Variants in SLC25A42 observed in about 807,000 individuals in gnomAD.
SLC25A42 encodes the protein solute carrier family 25 member 42, also known as mitochondrial coenzyme A transporter SLC25A42.
SLC25A42 carries 19 observed loss-of-function variants against 34.7 expected under a neutral mutation model. The ratio of observed to expected loss-of-function variants is 0.55; its 90% CI spans 0.38 to 0.80. The LOEUF (loss-of-function observed/expected upper bound fraction) is 0.80. SLC25A42 is among the 30% of genes least tolerant of loss of function. SLC25A42 has a pLI of 0.00. For synonymous variants in SLC25A42, 205 were observed against 191.2 expected (o/e 1.07, Z -0.59); for missense variants, 364 against 441.3 (o/e 0.82, Z 1.57).
At chr19:19,110,450 C>A in intron 7 of SLC25A42, 119 bp from the exon 8 acceptor site, 3 of 726,606 alleles carry the variant, frequency 4.1e-6, no homozygotes, top group Non-Finnish European at 6.0e-6. Flanking sequence ...CGTGGGGGTG[C>A]AAGTGCATGT....
chr19:19,104,697 CAGG>C (rs2059816601), intron 3 of SLC25A42, among the ~76,000 whole-genome samples: 1 of 152,168 alleles, frequency 6.6e-6, no homozygotes, highest in Non-Finnish European at 1.5e-5. Context: ...AGTCCAGGGG[CAGG>C]GTGCTGAGTG....
At chr19:19,105,800 C>G (rs2059823734) in intron 5 of SLC25A42, 73 bp downstream of exon 5, 1 of 1,310,822 alleles carries the variant, frequency 7.6e-7, no homozygotes. Flanking sequence ...TCTGCACGCC[C>G]CGCTCCCTCC....
At chr19:19,070,991 C>CTTTTTTTTTTTTTTTTTT (rs35787720) in intron 1 of SLC25A42, among the ~76,000 whole-genome samples, 3 of 117,208 alleles carry the variant, frequency 2.6e-5, no homozygotes, top group African/African-American at 1.0e-4. Flanking sequence ...TGCATACCGT[C>CTTTTTTTTTTTTTTTTTT]TTTTTTTTTT....
intron 1 of SLC25A42, among the ~76,000 whole-genome samples, chr19:19,088,656 AT>A (rs755546650): frequency 0.011 from 1,506 of 140,464 alleles, 24 homozygotes; most frequent in African/African-American, 0.031. Context: ...CACCCGACTA[AT>A]TTTTTTTTTT....
chr19:19,079,760 T>C (rs1328094048), intron 1 of SLC25A42, among the ~76,000 whole-genome samples: 1 of 152,174 alleles, frequency 6.6e-6, no homozygotes, highest in Non-Finnish European at 1.5e-5. Flanking sequence ...TCTATTGTGT[T>C]GGGGTCTCAC....
rs761842913 is a variant in SLC25A42, at chr19:19,109,633, A to G, written c.650-936A>G. Among the ~76,000 whole-genome samples the G allele has an allele frequency of 6.6e-5, 10 of 151,910 alleles. No homozygotes were observed. The highest frequency in any genetic ancestry group is 1.0e-4 in the Non-Finnish European group (7 of 67,972). ...TTTTTGGTAGAGACAGGGTTTCTCC[A>G]TGTTGGCCAGGCTGGTCTCCAATTC... On this transcript the variant is annotated intron_variant, in intron 7 of 7. Transcript: ENST00000318596. The surrounding 1 kb of genome is among the most constrained non-coding windows in gnomAD (Gnocchi z 4.1).
At chr19:19,104,671 G>T (rs2059816429) in intron 3 of SLC25A42, among the ~76,000 whole-genome samples, 1 of 152,160 alleles carries the variant, frequency 6.6e-6, no homozygotes, top group Non-Finnish European at 1.5e-5. Flanking sequence ...GCAGGGGTTT[G>T]GGTGAATGGT....
At chr19:19,103,241 G>A (rs993319038) in intron 3 of SLC25A42, among the ~76,000 whole-genome samples, 3 of 151,786 alleles carry the variant, frequency 2.0e-5, no homozygotes, top group African/African-American at 4.8e-5. Flanking sequence ...CAACAGGCAC[G>A]CACCACCACG....
At chr19:19,070,150 C>T (rs534851508) in intron 1 of SLC25A42, among the ~76,000 whole-genome samples, 60 of 151,764 alleles carry the variant, frequency 4.0e-4, no homozygotes, top group African/African-American at 1.2e-3. Context: ...CCCGCCACCA[C>T]GCCCGGCTAA....
At chr19:19,074,738 A>T (rs1197968585) in intron 1 of SLC25A42, among the ~76,000 whole-genome samples, 1 of 151,188 alleles carries the variant, frequency 6.6e-6, no homozygotes, top group African/African-American at 2.4e-5. Context: ...TGTGTGTGTG[A>T]GTGTATGTGT....
intron 1 of SLC25A42, among the ~76,000 whole-genome samples, chr19:19,090,556 C>T (rs749647748): frequency 2.0e-5 from 3 of 151,928 alleles, no homozygotes; most frequent in South Asian, 2.1e-4. Context: ...GGCTGGGCAC[C>T]GTGGCACACA....
chr19:19,065,959 C>A (rs2059599934), intron 1 of SLC25A42, among the ~76,000 whole-genome samples: 1 of 152,052 alleles, frequency 6.6e-6, no homozygotes, highest in Non-Finnish European at 1.5e-5. Context: ...TGGGTTCATG[C>A]AGTTCTCCTA....
chr19:19,073,999 C>G (rs577451503), intron 1 of SLC25A42, among the ~76,000 whole-genome samples: 1 of 152,216 alleles, frequency 6.6e-6, no homozygotes, highest in Non-Finnish European at 1.5e-5. Context: ...TGAGCCACCA[C>G]GCCCAACCAA....
chr19:19,075,947 C>G (rs906470056), intron 1 of SLC25A42, among the ~76,000 whole-genome samples: 6 of 152,150 alleles, frequency 3.9e-5, no homozygotes, highest in Non-Finnish European at 1.5e-5. Flanking sequence ...GGGGCAGCAC[C>G]CTGAACCTAG....
intron 1 of SLC25A42, among the ~76,000 whole-genome samples, chr19:19,066,867 AC>A (rs1322830183): frequency 2.0e-5 from 3 of 151,340 alleles, no homozygotes; most frequent in African/African-American, 7.3e-5. Flanking sequence ...GACACTTCAG[AC>A]CCCCCTGTCT....
chr19:19,102,032 G>A lies in SLC25A42; in HGVS notation c.187+146G>A, dbSNP rs568665521. 243 of 602,520 alleles carry A rather than the reference G, an allele frequency of 4.0e-4. 2 individuals are homozygous for A. Among genetic ancestry groups the A allele is most frequent in the Admixed American group, 1.1e-3 (33 of 30,202 alleles). 37.3% of individuals were successfully genotyped at this position (602,520 alleles called of 1,614,324 possible). ...TTTTGTTGTTTTTTTTTTTTGAGAC[G>A]GAGTCTCGCTCTGTCACCCAGGCTG... On this transcript the variant is annotated intron_variant, in intron 3 of 7. Transcript: ENST00000318596.
intron 1 of SLC25A42, among the ~76,000 whole-genome samples, chr19:19,094,591 C>T (rs546197893): frequency 2.6e-5 from 4 of 152,330 alleles, no homozygotes; most frequent in South Asian, 2.1e-4. Flanking sequence ...CCCATGGGTC[C>T]ATGTTCACTA....
intron 1 of SLC25A42, among the ~76,000 whole-genome samples, chr19:19,073,951 G>A (rs2059643500): frequency 6.6e-6 from 1 of 152,024 alleles, no homozygotes; most frequent in Admixed American, 6.6e-5. Context: ...CAAGTGATCT[G>A]CCCACCTTGG....
chr19:19,065,802 C>T (rs1221658969), intron 1 of SLC25A42, among the ~76,000 whole-genome samples: 4 of 152,024 alleles, frequency 2.6e-5, no homozygotes, highest in East Asian at 3.8e-4. Flanking sequence ...ATACATATTT[C>T]GTGTGTGTTA....
Sources: gnomAD v4.1 joint callset for allele counts (sites outside exome capture counted in the v4.1 genomes callset) on GRCh38, gnomAD v4.1.1 for gene constraint, Gnocchi (gnomAD v3.1) non-coding constraint, MANE v1.5 for transcripts, NCBI Gene and HGNC (gene_info 2026-07-23, HGNC 2026-07-21) for gene names.